Variants in CDC14B observed in about 807,000 individuals in gnomAD.
The protein encoded by CDC14B is dual specificity protein phosphatase CDC14B.
CDC14B carries 22 observed loss-of-function variants against 64.2 expected under a neutral mutation model. The observed-to-expected ratio is 0.34, with a 90% CI of 0.24 to 0.49. CDC14B has a LOEUF of 0.49. Ranked by LOEUF, CDC14B falls within the 20% of genes least tolerant of loss-of-function variation. CDC14B has a pLI of 0.99. For missense variants in CDC14B, 498 were observed against 629.9 expected (o/e 0.79, Z 2.24); for synonymous variants, 191 against 215.8 (o/e 0.89, Z 1.01).
At chr9:96,530,576 G>A (rs1405990649) in intron 9 of CDC14B, among the ~76,000 whole-genome samples, 3 of 151,554 alleles carry the variant, frequency 2.0e-5, no homozygotes, top group Non-Finnish European at 4.4e-5. Context: ...CATTGCACCT[G>A]GCCCAGGGTT....
rs1837042806 is a variant in CDC14B at position 96,523,355 on chromosome 9, C to T, written c.1151G>A (p.Gly384Glu). 1.2e-6 allele frequency: 2 copies of T among 1,614,006 alleles called. No individual in the cohort carries two copies. The highest frequency in any genetic ancestry group is 1.3e-5 in the African/African-American group (1 of 74,918). Residue 384 changes from glycine to glutamate, a missense_variant, in exon 11 of 14, where the codon GGA becomes GAA. Physicochemically the swap from Gly to Glu is moderately conservative, Grantham distance 98 (BLOSUM62 -2). Coordinates refer to ENST00000375241, the MANE Select transcript of CDC14B (RefSeq NM_033331.4). ...TTTGGAGAAGGCTGCTCTGTGTTGT[C>T]CATTCTCCTGCCCCTTTAACTTCTG... is the stretch of plus-strand genomic sequence containing the variant. The part of the protein sequence containing the change: ...FRQKLKGQEN[G>E]QHRAAFSKLL...
chr9:96,520,137 G>A (rs1836455918), intron 12 of CDC14B, among the ~76,000 whole-genome samples: 1 of 152,160 alleles, frequency 6.6e-6, no homozygotes, highest in African/African-American at 2.4e-5. Context: ...TAAGGGAGGA[G>A]GAAGGAGATT....
At chr9:96,549,016 A>G (rs902533824) in intron 5 of CDC14B, among the ~76,000 whole-genome samples, 1 of 152,202 alleles carries the variant, frequency 6.6e-6, no homozygotes, top group Non-Finnish European at 1.5e-5. Context: ...TCAAAATATT[A>G]TCAGGCTTTA....
intron 5 of CDC14B, among the ~76,000 whole-genome samples, chr9:96,546,686 G>A (rs1840909022): frequency 6.6e-6 from 1 of 151,980 alleles, no homozygotes; most frequent in Non-Finnish European, 1.5e-5. Context: ...CTGACCTCAG[G>A]TGATCCACTT....
At chr9:96,595,626 C>A (rs1024193931) in intron 1 of CDC14B, among the ~76,000 whole-genome samples, 7 of 152,228 alleles carry the variant, frequency 4.6e-5, no homozygotes, top group East Asian at 1.9e-4. Context: ...AATATTCAGC[C>A]ATAAAATGGA....
chr9:96,589,289 A>G (rs1845644828), intron 1 of CDC14B, among the ~76,000 whole-genome samples: 1 of 151,684 alleles, frequency 6.6e-6, no homozygotes, highest in South Asian at 2.1e-4. Flanking sequence ...CAGTGAGCTG[A>G]GATTGCGCCA....
chr9:96,529,907 C>T (rs564862794), intron 9 of CDC14B, among the ~76,000 whole-genome samples: 15 of 152,118 alleles, frequency 9.9e-5, no homozygotes, highest in South Asian at 8.3e-4. Flanking sequence ...AATCATTTTT[C>T]TATTTTTGCA....
chr9:96,574,200 T>C (rs561214488), intron 1 of CDC14B, among the ~76,000 whole-genome samples: 2 of 150,854 alleles, frequency 1.3e-5, no homozygotes, highest in Middle Eastern at 3.5e-3. Flanking sequence ...TATTAAAACT[T>C]AGAAGAATTT....
At chr9:96,498,665 AT>A (rs945631206), downstream of CDC14B, among the ~76,000 whole-genome samples, 1 of 152,254 alleles carries the variant, frequency 6.6e-6, no homozygotes. Flanking sequence ...TCTTTCCCCA[AT>A]TATCTAGAGA....
At chr9:96,578,672 AG>A (rs551989022) in intron 1 of CDC14B, among the ~76,000 whole-genome samples, 234 of 152,346 alleles carry the variant, frequency 1.5e-3, no homozygotes, top group Non-Finnish European at 9.0e-4. Context: ...GGAAAGACTG[AG>A]AAACTTTCAC....
intron 6 of CDC14B, among the ~76,000 whole-genome samples, chr9:96,541,531 T>C (rs1336946127): frequency 6.6e-6 from 1 of 152,230 alleles, no homozygotes; most frequent in African/African-American, 2.4e-5. Context: ...TTCTTTTAGA[T>C]CATAATATAC....
intron 1 of CDC14B, among the ~76,000 whole-genome samples, chr9:96,616,856 G>C (rs1847663301): frequency 6.6e-6 from 1 of 152,170 alleles, no homozygotes; most frequent in African/African-American, 2.4e-5. Flanking sequence ...CACTTGCTGA[G>C]GACAGGCCTC....
chr9:96,573,749 A>G (rs1844618853), intron 1 of CDC14B, among the ~76,000 whole-genome samples: 1 of 152,200 alleles, frequency 6.6e-6, no homozygotes, highest in Non-Finnish European at 1.5e-5. Context: ...TAAATGTAAT[A>G]AATTTACATG....
chr9:96,567,545 G>A (rs1844174319), intron 1 of CDC14B, among the ~76,000 whole-genome samples: 2 of 152,362 alleles, frequency 1.3e-5, no homozygotes, highest in South Asian at 4.1e-4. Context: ...AGATTTAAAG[G>A]CAACCCTCTG....
Position 96,600,240 on chromosome 9 carries a change from T to TTATATATA in CDC14B, c.160+18971_160+18978dup, listed in dbSNP as rs376489232. Among the ~76,000 whole-genome samples the TTATATATA allele has an allele frequency of 1.1e-3, 170 of 147,932 alleles. 1 individual carries two copies. The highest frequency in any genetic ancestry group is 4.0e-3 in the African/African-American group (163 of 40,510). On this transcript the variant is annotated intron_variant, in intron 1 of 13. Coordinates refer to ENST00000375241, the MANE Select transcript of CDC14B (RefSeq NM_033331.4). ...CAAGAGCCCATCTCTACCAAAAAAA[T>TTATATATA]TATATATATATATATATTTTATGCA...
chr9:96,562,836 C>T (rs778643397), intron 3 of CDC14B, 51 bp from the exon 4 acceptor site: 1 of 1,169,848 alleles, frequency 8.5e-7, no homozygotes, highest in South Asian at 1.3e-5. Flanking sequence ...TTCAAGTCTT[C>T]CACAATTTCA....
chr9:96,561,812 A>G (rs16911291), intron 4 of CDC14B, among the ~76,000 whole-genome samples: 7,898 of 151,952 alleles, frequency 0.052, 694 homozygotes, highest in African/African-American at 0.18. Flanking sequence ...TTCAAGTCTC[A>G]GAGAGAATAA....
At chr9:96,562,301 GGGGTCCTGACCCCAGT>G (rs1424880959) in intron 4 of CDC14B, among the ~76,000 whole-genome samples, 2 of 152,116 alleles carry the variant, frequency 1.3e-5, no homozygotes, top group African/African-American at 4.8e-5. Flanking sequence ...AATTAATAGT[GGGGTCCTGACCCCAGT>G]AAGATGATTT....
intron 4 of CDC14B, 56 bp from the exon 5 acceptor site, chr9:96,551,928 T>G: frequency 6.4e-7 from 1 of 1,557,386 alleles, no homozygotes; most frequent in East Asian, 2.3e-5. Flanking sequence ...GATACAGTGC[T>G]GTCACTGCGA....
Sources: gnomAD v4.1 joint callset for allele counts (sites outside exome capture counted in the v4.1 genomes callset) on GRCh38, gnomAD v4.1.1 for gene constraint, MANE v1.5 for transcripts, NCBI Gene and HGNC (gene_info 2026-07-23, HGNC 2026-07-21) for gene names.